The following CASP8 variants were observed in gnomAD, a reference collection of about 807,000 sequenced individuals.
CASP8 encodes caspase 8.
CASP8 carries 24 observed loss-of-function variants against 46.3 expected under a neutral mutation model. The ratio of observed to expected loss-of-function variants is 0.52; its 90% confidence interval spans 0.38 to 0.73. The LOEUF (loss-of-function observed/expected upper bound fraction) is 0.73, where lower values mean the gene tolerates loss of function less well. CASP8 is among the 30% of genes least tolerant of loss of function. The pLI, the probability that CASP8 is intolerant of heterozygous loss-of-function variation, is 0.00. For synonymous variants in CASP8, 188 were observed against 200.4 expected (o/e 0.94, Z 0.52); for missense variants, 460 against 559.0 (o/e 0.82, Z 1.79).
At position 201,285,372 on chromosome 2, in the gene CASP8, C is replaced by A. The variant is rs1351370517; in HGVS notation, c.1304+55C>A. 3 of 1,581,196 alleles carry A rather than the reference C, an allele frequency of 1.9e-6. No individual in the cohort carries two copies. In the East Asian group the frequency reaches 6.7e-5, roughly 35 times the overall value. ...TGTTACACTACCTTCCCCCCCTACT[C>A]CATCACACTACTATCTACTCATATT... On this transcript the variant is annotated intron_variant, in intron 8 of 8. Coordinates refer to ENST00000673742, the MANE Select transcript of CASP8 (RefSeq NM_001372051.1).
chr2:201,274,090 C>T (rs955158583), intron 5 of CASP8, among the ~76,000 whole-genome samples: 17 of 152,112 alleles, frequency 1.1e-4, no homozygotes, highest in African/African-American at 4.1e-4. Context: ...TGTATTTTTA[C>T]GTTGGCTCTT....
intron 1 of CASP8, among the ~76,000 whole-genome samples, chr2:201,265,482 GA>G (rs1361132301): frequency 6.6e-6 from 1 of 152,208 alleles, no homozygotes; most frequent in Non-Finnish European, 1.5e-5. Flanking sequence ...GGACTTTGGG[GA>G]TTGATGGTGG....
chr2:201,281,562 A>G (rs1203053074), intron 7 of CASP8, among the ~76,000 whole-genome samples: 3 of 149,478 alleles, frequency 2.0e-5, no homozygotes, highest in African/African-American at 7.5e-5. Flanking sequence ...TAGAGAGGGG[A>G]TAACCTTTTG....
chr2:201,280,806 G>C (rs1168654649), intron 7 of CASP8, among the ~76,000 whole-genome samples: 1 of 152,114 alleles, frequency 6.6e-6, no homozygotes, highest in Non-Finnish European at 1.5e-5. Context: ...AAGTTTTCCA[G>C]GAAGAAATAA....
intron 2 of CASP8, among the ~76,000 whole-genome samples, chr2:201,251,418 C>CAGA (rs2124997219): frequency 6.6e-6 from 1 of 151,344 alleles, no homozygotes; most frequent in Non-Finnish European, 1.5e-5. Flanking sequence ...ACAGTGAAAC[C>CAGA]TCATCTCTAC....
intron 2 of CASP8, among the ~76,000 whole-genome samples, chr2:201,248,252 C>A (rs34190998): frequency 6.6e-6 from 1 of 152,276 alleles, no homozygotes; most frequent in South Asian, 2.1e-4. Context: ...TGAGGAACCA[C>A]GACCTGTGGG....
In CASP8 at chr2:201,243,270, AAGGATTCCTATACAT is replaced by A. The variant is rs1416295369; in HGVS notation, c.-27+9175_-27+9189del. Among the ~76,000 whole-genome samples the A allele has an allele frequency of 5.3e-5, 8 of 152,322 alleles. No homozygotes were observed. In the East Asian group the frequency reaches 1.2e-3, roughly 22 times the overall value. ...AAATATAATTGATAAAGCAATAGAA[AAGGATTCCTATACAT>A]AGGATTCCTATACATAAAAAGGTCA... is the stretch of plus-strand genomic sequence containing the variant. On this transcript the variant is annotated intron_variant, in intron 2 of 6. Coordinates refer to the CASP8 transcript ENST00000264274.
intron 2 of CASP8, chr2:201,269,462 A>T (rs746960440): frequency 8.8e-5 from 119 of 1,349,230 alleles, no homozygotes; most frequent in Non-Finnish European, 1.2e-4. Flanking sequence ...AGAACAAGGA[A>T]AGCCGAGGGG....
In CASP8 at chr2:201,273,679, C is replaced by CT. The variant is rs763280710; in HGVS notation, c.595+750dup. Among the ~76,000 whole-genome samples the CT allele has an allele frequency of 8.3e-3, 1,205 of 146,012 alleles. 1 individual carries two copies. The highest frequency in any genetic ancestry group is 0.011 in the Non-Finnish European group (717 of 66,006). On this transcript the variant is annotated intron_variant, in intron 5 of 8. Transcript: ENST00000673742. ...TCAAAATTTTGATTAATCAAATAGTCTTTTTTTTTTTTTGAGACAGTGTCT... is the reference window on the plus strand; with the variant it reads ...TCAAAATTTTGATTAATCAAATAGTCTTTTTTTTTTTTTTGAGACAGTGTCT...
At chr2:201,270,003 G>C (rs944177137) in intron 2 of CASP8, among the ~76,000 whole-genome samples, 1 of 152,122 alleles carries the variant, frequency 6.6e-6, no homozygotes, top group Non-Finnish European at 1.5e-5. Context: ...AGGGGGATAA[G>C]GCAGATGGTA....
chr2:201,274,753 C>T (rs535019850), intron 5 of CASP8, 136 bp from the exon 6 acceptor site: 29 of 722,468 alleles, frequency 4.0e-5, no homozygotes, highest in South Asian at 9.8e-5. Flanking sequence ...CTGGGATTAC[C>T]GGCGTGAGCC....
intron 5 of CASP8, among the ~76,000 whole-genome samples, 197 bp from the exon 6 acceptor site, chr2:201,274,692 G>T (rs1948509947): frequency 6.6e-6 from 1 of 152,160 alleles, no homozygotes; most frequent in East Asian, 1.9e-4. Flanking sequence ...GGCCAGGCTG[G>T]TCTTGAACTC....
chr2:201,236,689 C>T (rs1203033210), intron 2 of CASP8, among the ~76,000 whole-genome samples: 1 of 151,958 alleles, frequency 6.6e-6, no homozygotes, highest in Non-Finnish European at 1.5e-5. Context: ...CAGACTCAAC[C>T]TCCCAGGCTC....
In CASP8 at chr2:201,272,701, A is replaced by G; in HGVS notation, c.475A>G (p.Ile159Val). ...CATCCTGGGAGAAGGAAAGTTGGAC[A>G]TCCTGAAAAGAGTCTGTGCCCAAAT... ...RVILGEGKLD[I>V]LKRVCAQINK... Residue 159 changes from isoleucine (I) to valine (V), a missense_variant, in exon 4 of 9, where the codon ATC becomes GTC. Physicochemically the swap from Ile to Val is conservative, Grantham distance 29. Coordinates refer to ENST00000673742, the MANE Select transcript of CASP8 (RefSeq NM_001372051.1). This position sits in a 1 kb window ranked among gnomAD's most constrained non-coding sequence, Gnocchi z 4.4. 6.2e-7 allele frequency: 1 copy of G among 1,614,172 alleles called. No individual in the cohort carries two copies. Among genetic ancestry groups the G allele is most frequent in the South Asian group, 1.1e-5 (1 of 91,084 alleles).
chr2:201,280,333 A>C (rs932519329), intron 7 of CASP8, among the ~76,000 whole-genome samples: 3 of 152,232 alleles, frequency 2.0e-5, no homozygotes, highest in African/African-American at 7.2e-5. Context: ...GAAAGAAAGG[A>C]CAGAGAAAGG....
At chr2:201,265,533 C>A (rs1229092826) in intron 1 of CASP8, among the ~76,000 whole-genome samples, 1 of 152,104 alleles carries the variant, frequency 6.6e-6, no homozygotes, top group Admixed American at 6.6e-5. Flanking sequence ...CCTAGTACGT[C>A]CCCTACTTCT....
chr2:201,247,654 T>C (rs1331063932), intron 2 of CASP8, among the ~76,000 whole-genome samples: 4 of 149,326 alleles, frequency 2.7e-5, no homozygotes, highest in Non-Finnish European at 5.9e-5. Context: ...AATTCTTGTA[T>C]TTTTTTTTGA....
At chr2:201,260,093 C>A (rs903278165), upstream of CASP8, among the ~76,000 whole-genome samples, 2 of 151,520 alleles carry the variant, frequency 1.3e-5, no homozygotes, top group Non-Finnish European at 2.9e-5. Flanking sequence ...TGAAAGTTCA[C>A]AGCCACCCTG....
At chr2:201,269,679 T>C (rs2125207107) in intron 2 of CASP8, 1 of 1,010,786 alleles carries the variant, frequency 9.9e-7, no homozygotes, top group Non-Finnish European at 1.5e-6. Context: ...ACTTACTGCT[T>C]GTTCATTATC....
Sources: allele counts gnomAD v4.1 joint callset (sites outside exome capture counted in the v4.1 genomes callset), GRCh38; gene constraint gnomAD v4.1.1; non-coding constraint Gnocchi (gnomAD v3.1); transcripts MANE v1.5; gene names NCBI Gene and HGNC (gene_info 2026-07-23, HGNC 2026-07-21).